Variants in GRAMD2B observed in about 807,000 individuals in gnomAD.
GRAMD2B encodes GRAM domain containing 2B, also known as GRAM domain-containing protein 2B.
A neutral mutation model predicts 59.2 loss-of-function variants in GRAMD2B; 41 were observed. The observed-to-expected ratio is 0.69, with a 90% CI of 0.54 to 0.90. The LOEUF (loss-of-function observed/expected upper bound fraction) is 0.90. Ranked by LOEUF, GRAMD2B falls within the 40% of genes least tolerant of loss-of-function variation. GRAMD2B has a pLI of 0.00. For synonymous variants in GRAMD2B, 161 were observed against 182.7 expected (o/e 0.88, Z 0.96); for missense variants, 424 against 500.5 (o/e 0.85, Z 1.46).
At chr5:126,387,701 G>C (rs190083763) in intron 1 of GRAMD2B, among the ~76,000 whole-genome samples, 1 of 152,090 alleles carries the variant, frequency 6.6e-6, no homozygotes, top group African/African-American at 2.4e-5. Flanking sequence ...CTCACAAATG[G>C]AGAACAAATT....
chr5:126,385,332 A>C (rs930556494), intron 1 of GRAMD2B, among the ~76,000 whole-genome samples: 1 of 152,230 alleles, frequency 6.6e-6, no homozygotes, highest in Non-Finnish European at 1.5e-5. Context: ...AACTGGGAAA[A>C]GAGAGGGGAA....
At chr5:126,488,770 CATA>C (rs778930810) in intron 12 of GRAMD2B, 26 bp from the exon 13 acceptor site, 10 of 1,484,122 alleles carry the variant, frequency 6.7e-6, no homozygotes, top group Admixed American at 1.7e-5. Flanking sequence ...CATCCCTGCC[CATA>C]ATAATTTTTC....
chr5:126,481,203 A>AAAAGAAAGAAAGAAAGAAAG (rs199869481), intron 8 of GRAMD2B, among the ~76,000 whole-genome samples: 43 of 80,104 alleles, frequency 5.4e-4, no homozygotes, highest in African/African-American at 2.6e-3. Context: ...AAAAAAAAAA[A>AAAAGAAAGAAAGAAAGAAAG]AAAGAAAGAA....
intron 1 of GRAMD2B, among the ~76,000 whole-genome samples, chr5:126,416,105 T>C (rs1336733617): frequency 6.6e-6 from 1 of 152,180 alleles, no homozygotes; most frequent in African/African-American, 2.4e-5. Flanking sequence ...TGAATGTTTC[T>C]CTGAGAAAAT....
intron 1 of GRAMD2B, among the ~76,000 whole-genome samples, chr5:126,364,012 TA>T (rs983320055): frequency 1.3e-5 from 2 of 152,176 alleles, no homozygotes; most frequent in Non-Finnish European, 2.9e-5. Flanking sequence ...AAAAAAACTC[TA>T]AAGTGATAGT....
chr5:126,478,140 GA>G (rs11376080), intron 6 of GRAMD2B, among the ~76,000 whole-genome samples: 2,407 of 126,826 alleles, frequency 0.019, 73 homozygotes, highest in African/African-American at 0.065. Context: ...GTCTTAAAGG[GA>G]AAAAAAAAAA....
chr5:126,376,881 G>A (rs905566622), intron 1 of GRAMD2B, among the ~76,000 whole-genome samples: 2 of 151,988 alleles, frequency 1.3e-5, no homozygotes, highest in African/African-American at 4.8e-5. Flanking sequence ...GTGAGGGGCA[G>A]GCTAAGACAG....
chr5:126,486,973 A>G lies in GRAMD2B; in HGVS notation c.1159A>G (p.Thr387Ala). The G allele has an allele frequency of 6.5e-7, 1 of 1,541,016 alleles. No homozygotes were observed. Among genetic ancestry groups the G allele is most frequent in the Non-Finnish European group, 9.0e-7 (1 of 1,113,922 alleles). Residue 387 changes from threonine (T) to alanine (A), a missense_variant, in exon 12 of 14, where the codon ACT becomes GCT. Coordinates refer to ENST00000285689, the MANE Select transcript of GRAMD2B (RefSeq NM_023927.4). ...AACCTCCATTGTGGACACCCATAATACTGAGTAAGACGATTGCCTCTAGCT... is the reference window on the plus strand; with the variant it reads ...AACCTCCATTGTGGACACCCATAATGCTGAGTAAGACGATTGCCTCTAGCT... ...LLTSIVDTHN[T>A]EQAAPSGLRS...
At chr5:126,463,765 T>A (rs959269448) in intron 1 of GRAMD2B, among the ~76,000 whole-genome samples, 4 of 152,188 alleles carry the variant, frequency 2.6e-5, no homozygotes, top group Non-Finnish European at 5.9e-5. Flanking sequence ...ACGCCTGTAA[T>A]CCCAGCACTT....
intron 1 of GRAMD2B, among the ~76,000 whole-genome samples, chr5:126,444,804 G>A (rs1763923026): frequency 6.6e-6 from 1 of 152,138 alleles, no homozygotes; most frequent in Admixed American, 6.5e-5. Flanking sequence ...CATTGCCTAG[G>A]TATTAAGTCC....
At chr5:126,456,385 G>GT (rs11333634) in intron 1 of GRAMD2B, among the ~76,000 whole-genome samples, 51 of 150,574 alleles carry the variant, frequency 3.4e-4, no homozygotes, top group East Asian at 9.8e-4. Context: ...TAAATTTTTT[G>GT]TTTTTTTTTG....
intron 1 of GRAMD2B, among the ~76,000 whole-genome samples, chr5:126,380,398 A>T (rs1315577862): frequency 1.3e-5 from 2 of 151,642 alleles, no homozygotes; most frequent in Non-Finnish European, 2.9e-5. Context: ...GGCTGATTCC[A>T]TATGAATTTT....
chr5:126,449,685 C>A (rs1445772994), intron 1 of GRAMD2B, among the ~76,000 whole-genome samples: 3 of 152,124 alleles, frequency 2.0e-5, no homozygotes, highest in African/African-American at 7.2e-5. Flanking sequence ...GAAGTTGAGT[C>A]CCATTAATTT....
chr5:126,471,549 A>T (rs1769592102), intron 3 of GRAMD2B, among the ~76,000 whole-genome samples: 1 of 152,212 alleles, frequency 6.6e-6, no homozygotes, highest in African/African-American at 2.4e-5. Context: ...AAGTCTTTGT[A>T]TGAAATCCTA....
chr5:126,477,832 C>CTCTG (rs760962688), intron 6 of GRAMD2B, 45 bp downstream of exon 6: 1 of 1,127,434 alleles, frequency 8.9e-7, no homozygotes, highest in Non-Finnish European at 1.4e-6. Context: ...TGTCCTCCTG[C>CTCTG]TCTGGGCTCT....
intron 13 of GRAMD2B, 79 bp from the exon 14 acceptor site, chr5:126,492,836 C>CT: frequency 1.1e-6 from 1 of 888,982 alleles, no homozygotes; most frequent in Non-Finnish European, 1.8e-6. Flanking sequence ...ATATAGAATG[C>CT]TATATAGACT....
chr5:126,492,002 G>A (rs1356043807), intron 13 of GRAMD2B, among the ~76,000 whole-genome samples: 1 of 152,128 alleles, frequency 6.6e-6, no homozygotes, highest in Non-Finnish European at 1.5e-5. Flanking sequence ...CAAAGTGCTG[G>A]GATTACAGGC....
At chr5:126,462,045 T>G (rs961966527) in intron 1 of GRAMD2B, among the ~76,000 whole-genome samples, 1 of 152,158 alleles carries the variant, frequency 6.6e-6, no homozygotes, top group Non-Finnish European at 1.5e-5. Context: ...ACCTGCCAGC[T>G]CACTTACCTG....
At chr5:126,388,516 G>A (rs1321609632) in intron 1 of GRAMD2B, among the ~76,000 whole-genome samples, 2 of 151,774 alleles carry the variant, frequency 1.3e-5, no homozygotes, top group African/African-American at 4.8e-5. Context: ...TATACAAGAA[G>A]CTATCATTAT....
Sources: allele counts gnomAD v4.1 joint callset (sites outside exome capture counted in the v4.1 genomes callset), GRCh38; gene constraint gnomAD v4.1.1; transcripts MANE v1.5; gene names NCBI Gene and HGNC (gene_info 2026-07-23, HGNC 2026-07-21).